The following DDC variants were observed in gnomAD, a reference collection of about 807,000 sequenced individuals.
DDC encodes dopa decarboxylase, also known as aromatic-L-amino-acid decarboxylase.
Under a neutral mutation model 60.0 loss-of-function variants are expected in DDC, and 43 were observed. That is an observed-to-expected ratio of 0.72 (90% confidence interval 0.56 to 0.92). The LOEUF is 0.92. Ranked by LOEUF, DDC falls within the 40% of genes least tolerant of loss-of-function variation. The pLI is 0.00. For synonymous variants in DDC, 232 were observed against 234.6 expected (o/e 0.99, Z 0.10); for missense variants, 573 against 620.2 (o/e 0.92, Z 0.81).
At chr7:50,465,354 T>C (rs2042370613) in intron 13 of DDC, among the ~76,000 whole-genome samples, 1 of 152,186 alleles carries the variant, frequency 6.6e-6, no homozygotes, top group African/African-American at 2.4e-5. Flanking sequence ...ATTCTGTAGA[T>C]ATACTAAAAA....
chr7:50,481,603 CT>C (rs1438041961), intron 9 of DDC, among the ~76,000 whole-genome samples: 2 of 152,136 alleles, frequency 1.3e-5, no homozygotes, highest in East Asian at 3.8e-4. Flanking sequence ...TCACCACCCC[CT>C]GCTTATGAAA....
intron 2 of DDC, chr7:50,542,497 C>T (rs2044665725): frequency 6.6e-6 from 1 of 152,272 alleles, no homozygotes. Context: ...CCGCTCACGG[C>T]TCGAGAGCTC....
chr7:50,492,639 C>T (rs1262318914), intron 9 of DDC: 8 of 1,159,746 alleles, frequency 6.9e-6, no homozygotes, highest in African/African-American at 1.6e-5. Flanking sequence ...CACCGCAGGC[C>T]TCTCTTGTGT....
chr7:50,557,421 A>G (rs1488268534), intron 1 of DDC, among the ~76,000 whole-genome samples: 1 of 152,244 alleles, frequency 6.6e-6, no homozygotes, highest in Non-Finnish European at 1.5e-5. Context: ...CAAAGACAAA[A>G]AAGAATGCCA....
chr7:50,556,721 G>A (rs1381434229), intron 1 of DDC, among the ~76,000 whole-genome samples: 2 of 152,170 alleles, frequency 1.3e-5, no homozygotes, highest in Admixed American at 1.3e-4. Context: ...CTTTGCACTG[G>A]GTCCTAAGTC....
chr7:50,559,369 A>G (rs1428592039), intron 1 of DDC, among the ~76,000 whole-genome samples: 3 of 151,946 alleles, frequency 2.0e-5, no homozygotes. Context: ...GGGCTCCCTG[A>G]ATGTCTTCCT....
chr7:50,463,128 GGCCTGTA>G, intron 14 of DDC, 78 bp downstream of exon 14: 1 of 1,075,958 alleles, frequency 9.3e-7, no homozygotes, highest in Non-Finnish European at 1.4e-6. Flanking sequence ...GGCCGGGCTG[GGCCTGTA>G]GCTGGGTCTG....
chr7:50,471,472 C>T (rs1478260612), intron 11 of DDC, among the ~76,000 whole-genome samples: 5 of 152,202 alleles, frequency 3.3e-5, no homozygotes, highest in Non-Finnish European at 7.3e-5. Flanking sequence ...GGCCCAGAGC[C>T]ATGGTTCTGC....
chr7:50,555,017 C>T (rs1172232049), intron 1 of DDC, among the ~76,000 whole-genome samples: 2 of 152,128 alleles, frequency 1.3e-5, no homozygotes, highest in African/African-American at 4.8e-5. Context: ...CAGGTAACCT[C>T]TATGGCCAAT....
intron 11 of DDC, among the ~76,000 whole-genome samples, chr7:50,474,840 A>T (rs938310639): frequency 2.0e-5 from 3 of 152,170 alleles, no homozygotes; most frequent in African/African-American, 7.2e-5. Context: ...GAGCAAAATT[A>T]AAAAATAATA....
At chr7:50,460,458 C>A in intron 14 of DDC, among the ~76,000 whole-genome samples, 1 of 151,266 alleles carries the variant, frequency 6.6e-6, no homozygotes, top group East Asian at 2.0e-4. Flanking sequence ...GCCAGCCACC[C>A]GGTCCAGGAG....
chr7:50,482,144 C>T (rs185759589), intron 9 of DDC, among the ~76,000 whole-genome samples: 26 of 152,320 alleles, frequency 1.7e-4, no homozygotes, highest in Non-Finnish European at 2.6e-4. Flanking sequence ...CATCTATCTA[C>T]GGCCGTATTC....
intron 1 of DDC, among the ~76,000 whole-genome samples, chr7:50,553,099 C>T (rs1051651913): frequency 1.2e-4 from 19 of 152,238 alleles, no homozygotes; most frequent in Admixed American, 2.6e-4. Flanking sequence ...AGCCCATCCA[C>T]GCCACTGTGC....
chr7:50,490,989 C>T (rs2153538136), intron 9 of DDC, among the ~76,000 whole-genome samples: 1 of 152,218 alleles, frequency 6.6e-6, no homozygotes, highest in Admixed American at 6.5e-5. Context: ...TCTAGCCTTG[C>T]CTAATGTTTG....
Position 50,528,295 on chromosome 7 carries a change from G to A in DDC, c.571-15C>T. ...GAGGAGTGTGCCTGGAAAGAAGACA[G>A]CAGAGTTGGATTTGTACAGGTGTGT... On this transcript the variant is annotated splice_polypyrimidine_tract_variant and intron_variant, in intron 5 of 14. Transcript: ENST00000444124. The A allele has an allele frequency of 1.2e-6, 2 of 1,613,924 alleles. No homozygotes were observed. Among genetic ancestry groups the A allele is most frequent in the South Asian group, 1.1e-5 (1 of 91,068 alleles).
intron 4 of DDC, among the ~76,000 whole-genome samples, chr7:50,536,877 A>G (rs1001796039): frequency 6.6e-6 from 1 of 152,164 alleles, no homozygotes; most frequent in Non-Finnish European, 1.5e-5. Flanking sequence ...GGCCTTCACC[A>G]ATTCTCAGAG....
intron 2 of DDC, 166 bp from the exon 3 acceptor site, chr7:50,540,194 A>G (rs1309289348): frequency 4.5e-6 from 3 of 662,144 alleles, no homozygotes; most frequent in Non-Finnish European, 8.3e-6. Flanking sequence ...TTCCTCCATT[A>G]TTTCGGAGCA....
At chr7:50,536,659 T>A (rs914984057) in intron 4 of DDC, among the ~76,000 whole-genome samples, 1 of 152,232 alleles carries the variant, frequency 6.6e-6, no homozygotes, top group African/African-American at 2.4e-5. Flanking sequence ...TGTACAGAAC[T>A]GTAAGATAAT....
At chr7:50,462,768 G>GTTTTTTTTTTTTTTTTTTTTTTT (rs11302809) in intron 14 of DDC, among the ~76,000 whole-genome samples, 4 of 98,366 alleles carry the variant, frequency 4.1e-5, no homozygotes, top group African/African-American at 1.6e-4. Context: ...TCTTCTTCTT[G>GTTTTTTTTTTTTTTTTTTTTTTT]TTTTTTTTTT....
Sources: allele counts gnomAD v4.1 joint callset (sites outside exome capture counted in the v4.1 genomes callset), GRCh38; gene constraint gnomAD v4.1.1; transcripts MANE v1.5; gene names NCBI Gene and HGNC (gene_info 2026-07-23, HGNC 2026-07-21).